DOCK6: variants seen among roughly 807,000 people sequenced by gnomAD.
The protein encoded by DOCK6 is dedicator of cytokinesis 6.
In DOCK6, 167 loss-of-function variants were observed where a neutral mutation model predicts 230.3. The observed-to-expected ratio is 0.73, with a 90% CI of 0.64 to 0.82. The LOEUF (loss-of-function observed/expected upper bound fraction) is 0.82, where lower values mean the gene tolerates loss of function less well. DOCK6 is among the 40% of genes least tolerant of loss of function. DOCK6 has a pLI of 0.00. For synonymous variants in DOCK6, 1,148 were observed against 1,185.0 expected, an observed-to-expected ratio of 0.97 and a Z score of 0.64; for missense variants, 2,598 against 2,825.8, an observed-to-expected ratio of 0.92 and a Z score of 1.83.
chr19:11,252,946 C>T lies in DOCK6; in HGVS notation c.145G>A (p.Glu49Lys). ...CSSSLGVPLT[E>K]VVEPLDFEDV... ...TCAAAGTCCAGGGGCTCGACAACTT[C>T]AGTCAGTGGGACCTGGATTGGAGCA... The change falls in exon 3 of 48, where the codon GAA becomes AAA. Residue 49 changes from glutamate (E) to lysine (K), a missense_variant. Transcript: ENST00000294618. 3.1e-6 allele frequency: 5 copies of T among 1,607,308 alleles called. No homozygotes were observed. The highest frequency in any genetic ancestry group is 2.2e-5 in the East Asian group (1 of 44,616).
Position 11,223,410 on chromosome 19 carries a change from T to C in DOCK6, c.2956-304A>G, listed in dbSNP as rs557368597. ...CAGCCTCCCTTCCAGTTGAACCACA[T>C]GACCAATTCTGGCCAATGGGATTTG... On this transcript the variant is annotated intron_variant, in intron 24 of 47. Coordinates refer to ENST00000294618, the MANE Select transcript of DOCK6 (RefSeq NM_020812.4). Among the ~76,000 whole-genome samples, 3 of 152,266 alleles carry C rather than the reference T, an allele frequency of 2.0e-5. No individual in the cohort carries two copies. The East Asian group carries it at 5.8e-4, about 29-fold the overall frequency.
At position 11,221,801 on chromosome 19, in the gene DOCK6, G is replaced by A. The variant is rs748701972; in HGVS notation, c.3550+50C>T. The A allele has an allele frequency of 9.3e-6, 15 of 1,612,596 alleles. No individual in the cohort carries two copies. In the African/African-American group the frequency reaches 1.9e-4, roughly 20 times the overall value. On this transcript the variant is annotated intron_variant, in intron 28 of 47. Coordinates refer to ENST00000294618, the MANE Select transcript of DOCK6 (RefSeq NM_020812.4). ...CCACCTTTACTATCCTGTGCCTTCT[G>A]TGACCAAGTCCCTGGATCATGTGAC...
rs2079149706 is a variant in DOCK6, at chr19:11,200,420, T to C, written c.5989A>G (p.Lys1997Glu). 1 of 1,611,008 alleles carries C rather than the reference T, an allele frequency of 6.2e-7. No homozygotes were observed. The highest frequency in any genetic ancestry group is 8.5e-7 in the Non-Finnish European group (1 of 1,178,786). The change falls in exon 47 of 48, where the codon AAG (lysine) becomes GAG (glutamate). Residue 1997 changes from lysine to glutamate, a missense_variant. Transcript: ENST00000294618. The surrounding 1 kb of genome is among the most constrained non-coding windows in gnomAD (Gnocchi z 4.3). ...KNKALIGPDQKEYHRELERNY... is the reference protein window; with the variant it reads ...KNKALIGPDQEEYHRELERNY... ...CGCTCCAGCTCACGGTGGTACTCCT[T>C]CTGGTCCGGCCCAATCAGGGCCTTA... is the stretch of plus-strand genomic sequence containing the variant.
intron 24 of DOCK6, among the ~76,000 whole-genome samples, chr19:11,224,278 T>G (rs965862784): frequency 6.6e-6 from 1 of 150,824 alleles, no homozygotes; most frequent in Non-Finnish European, 1.5e-5. Context: ...TGGCGCGATC[T>G]CGGCTCACTG....
intron 28 of DOCK6, among the ~76,000 whole-genome samples, chr19:11,220,419 GTAAA>G (rs1568232523): frequency 6.6e-6 from 1 of 152,192 alleles, no homozygotes; most frequent in Non-Finnish European, 1.5e-5. Context: ...TAGACTGAGT[GTAAA>G]TAAAGCTCTA....
At chr19:11,259,380 T>C (rs1405624725) in intron 1 of DOCK6, among the ~76,000 whole-genome samples, 1 of 151,722 alleles carries the variant, frequency 6.6e-6, no homozygotes, top group Non-Finnish European at 1.5e-5. Flanking sequence ...GTTTAAATGG[T>C]AAAAAATAAC....
intron 13 of DOCK6, 147 bp downstream of exon 13, chr19:11,242,912 C>T: frequency 1.2e-6 from 1 of 853,364 alleles, no homozygotes; most frequent in Non-Finnish European, 1.9e-6. Context: ...CCATTAGAAG[C>T]TGTAGCCAGC....
chr19:11,254,187 T>G (rs1266855213), intron 1 of DOCK6: 1 of 155,428 alleles, frequency 6.4e-6, no homozygotes, highest in Non-Finnish European at 1.4e-5. Flanking sequence ...AGTTTACCCT[T>G]CTGTAGCTGA....
At position 11,202,346 on chromosome 19, in the gene DOCK6, G is replaced by A. The variant is rs2079183378; in HGVS notation, c.5451+48C>T. On this transcript the variant is annotated intron_variant, in intron 43 of 47. Transcript: ENST00000294618. This position sits in a 1 kb window ranked among gnomAD's most constrained non-coding sequence, Gnocchi z 5.3. ...TGAGGGTCCCCAGGAAACAGCACTT[G>A]GAGTCTCTGTGAATCTAAGATTTTG... The A allele has an allele frequency of 6.3e-7, 1 of 1,586,654 alleles. No homozygotes were observed. Among genetic ancestry groups the A allele is most frequent in the Non-Finnish European group, 8.6e-7 (1 of 1,163,850 alleles).
intron 28 of DOCK6, 45 bp from the exon 29 acceptor site, chr19:11,217,436 GT>G: frequency 6.3e-7 from 1 of 1,585,482 alleles, no homozygotes; most frequent in Non-Finnish European, 8.6e-7. Flanking sequence ...CCCTTGGTAA[GT>G]GCTGTCCCTG....
At chr19:11,230,159 T>A (rs768399880) in intron 22 of DOCK6, among the ~76,000 whole-genome samples, 9 of 149,572 alleles carry the variant, frequency 6.0e-5, no homozygotes, top group Non-Finnish European at 1.3e-4. Context: ...TGGTGAATGG[T>A]GAAACCCCGT....
chr19:11,210,876 C>T (rs1408999530), intron 37 of DOCK6, among the ~76,000 whole-genome samples: 1 of 150,618 alleles, frequency 6.6e-6, no homozygotes, highest in African/African-American at 2.4e-5. Flanking sequence ...CACCTGTTCA[C>T]CTCCTGACTT....
At chr19:11,256,671 T>A (rs1897627180) in intron 1 of DOCK6, among the ~76,000 whole-genome samples, 1 of 152,174 alleles carries the variant, frequency 6.6e-6, no homozygotes, top group African/African-American at 2.4e-5. Context: ...TTTCGTTTTT[T>A]AAAAAAATTT....
rs1409882273 is a variant in DOCK6 at position 11,208,792 on chromosome 19, G to A, written c.4982C>T (p.Ser1661Phe). ...SSNVLEESAI[S>F]DDILSPDEEG... ...CTCGTCGGGCGACAGGATGTCGTCG[G>A]AGATGGCGGACTCCTCTAGCACGTT... is the stretch of plus-strand genomic sequence containing the variant. The change falls in exon 39 of 48, where the codon TCC becomes TTC. Residue 1661 changes from serine (S) to phenylalanine (F), a missense_variant. Transcript: ENST00000294618. 3.1e-6 allele frequency: 5 copies of A among 1,613,766 alleles called. No homozygotes were observed. The South Asian group carries it at 3.3e-5, about 11-fold the overall frequency.
chr19:11,257,727 T>C (rs2080220448), intron 1 of DOCK6, among the ~76,000 whole-genome samples: 1 of 151,484 alleles, frequency 6.6e-6, no homozygotes, highest in South Asian at 2.1e-4. Flanking sequence ...AGGTGGAGGT[T>C]GCAGTGAGCC....
At chr19:11,252,356 C>A in intron 4 of DOCK6, 108 bp from the exon 5 acceptor site, 1 of 1,577,668 alleles carries the variant, frequency 6.3e-7, no homozygotes, top group Non-Finnish European at 8.7e-7. Context: ...CGTCCTTGTG[C>A]TCCACCAGAC....
chr19:11,215,246 G>A (rs996076734), intron 32 of DOCK6, 141 bp downstream of exon 32: 3 of 684,992 alleles, frequency 4.4e-6, no homozygotes, highest in Middle Eastern at 2.9e-4. Context: ...CCCGGCCCAT[G>A]CCCGGCTAAT....
chr19:11,216,008 T>C, intron 30 of DOCK6, 81 bp from the exon 31 acceptor site: 1 of 1,570,388 alleles, frequency 6.4e-7, no homozygotes. Flanking sequence ...CCTTTCTTTG[T>C]GCTCTTTCTC....
rs778315142 is a variant in DOCK6, at chr19:11,243,190, G to T, written c.1387-38C>A. 12 of 1,613,192 alleles carry T rather than the reference G, an allele frequency of 7.4e-6. No homozygotes were observed. The South Asian group carries it at 1.3e-4, about 18-fold the overall frequency. On this transcript the variant is annotated intron_variant, in intron 12 of 47. Transcript: ENST00000294618. The surrounding 1 kb of genome is among the most constrained non-coding windows in gnomAD (Gnocchi z 6.3). ...CACTCCCGTCAGCCTGGGCCAGGGG[G>T]CTAGGGGTCCCCAGGGCTAATGCAG...
Sources: allele counts gnomAD v4.1 joint callset (sites outside exome capture counted in the v4.1 genomes callset), GRCh38; gene constraint gnomAD v4.1.1; non-coding constraint Gnocchi (gnomAD v3.1); transcripts MANE v1.5; gene names NCBI Gene and HGNC (gene_info 2026-07-23, HGNC 2026-07-21).